The following ANKLE2 variants were observed in gnomAD, a reference collection of about 807,000 sequenced individuals.
ANKLE2 encodes ankyrin repeat and LEM domain containing 2.
ANKLE2 carries 55 observed loss-of-function variants against 84.2 expected under a neutral mutation model. The observed-to-expected ratio is 0.65, with a 90% CI of 0.53 to 0.82. The LOEUF is 0.82. ANKLE2 is among the 40% of genes least tolerant of loss of function. ANKLE2 has a pLI of 0.00. For synonymous variants in ANKLE2, 551 were observed against 486.1 expected, an observed-to-expected ratio of 1.13 and a Z score of -1.76; for missense variants, 1,238 against 1,201.9, an observed-to-expected ratio of 1.03 and a Z score of -0.44.
chr12:132,750,675 G>GT lies in ANKLE2; in HGVS notation c.814dup (p.Thr272AsnfsTer6). 1 of 1,614,238 alleles carries GT rather than the reference G, an allele frequency of 6.2e-7. No homozygotes were observed. The highest frequency in any genetic ancestry group is 8.5e-7 in the Non-Finnish European group (1 of 1,180,048). ...CCTGTCATTGCTAAAGAGTGGAGCTGTTTTCACAGGAGACAGTGGTAAGGA... is the reference window on the plus strand; with the variant it reads ...CCTGTCATTGCTAAAGAGTGGAGCTGTTTTTCACAGGAGACAGTGGTAAGGA... On this transcript the variant is annotated frameshift_variant, in exon 3 of 13. Coordinates refer to ENST00000357997, the MANE Select transcript of ANKLE2 (RefSeq NM_015114.3). LOFTEE classifies it high-confidence loss of function.
At chr12:132,729,119 G>A (rs754193657) in intron 11 of ANKLE2, among the ~76,000 whole-genome samples, 13 of 151,710 alleles carry the variant, frequency 8.6e-5, no homozygotes, top group East Asian at 4.0e-4. Flanking sequence ...TTGGGAGGCC[G>A]AGGCAGGTGG....
chr12:132,741,774 G>C (rs927953759), intron 6 of ANKLE2: 1 of 551,582 alleles, frequency 1.8e-6, no homozygotes, highest in Non-Finnish European at 3.4e-6. Flanking sequence ...CCAGCGCATC[G>C]AGTAAAAGCA....
chr12:132,741,768 C>A (rs139769525), intron 6 of ANKLE2: 3 of 561,590 alleles, frequency 5.3e-6, no homozygotes, highest in Non-Finnish European at 1.0e-5. Flanking sequence ...AAGGTACCAG[C>A]GCATCGAGTA....
chr12:132,740,189 C>A (rs2044092617), intron 7 of ANKLE2, among the ~76,000 whole-genome samples: 1 of 152,226 alleles, frequency 6.6e-6, no homozygotes, highest in Admixed American at 6.5e-5. Flanking sequence ...TGCAGCGACG[C>A]CTCAACGGCC....
At chr12:132,730,485 A>C in intron 10 of ANKLE2, 11 of 526,562 alleles carry the variant, frequency 2.1e-5, no homozygotes, top group East Asian at 2.9e-5. Flanking sequence ...AAAACCACCC[A>C]CACGACTCCC....
intron 5 of ANKLE2, chr12:132,745,742 G>A (rs1593166242): frequency 1.1e-5 from 2 of 186,180 alleles, no homozygotes; most frequent in East Asian, 1.3e-4. Flanking sequence ...GTCGGATCCC[G>A]CACCTCTCTA....
In ANKLE2 at chr12:132,726,198, G is replaced by C. The variant is rs1275580638; in HGVS notation, c.*1044C>G. 6.5e-6 allele frequency: 1 copy of C among 153,506 alleles called. No homozygotes were observed. Among genetic ancestry groups the C allele is most frequent in the Non-Finnish European group, 1.5e-5 (1 of 68,246 alleles). The allele number at this position is 153,506 out of a possible 1,614,324, so 9.5% of individuals were successfully genotyped here. ...TGCCCGTAACACCCAGGAAGAAACC[G>C]ACCTCCAGGCAGCACCTCCTGAACA... On this transcript the variant is annotated 3_prime_UTR_variant, in exon 13 of 13. Transcript: ENST00000357997.
intron 2 of ANKLE2, among the ~76,000 whole-genome samples, chr12:132,753,835 G>A (rs1466206341): frequency 6.6e-6 from 1 of 152,222 alleles, no homozygotes; most frequent in Non-Finnish European, 1.5e-5. Flanking sequence ...AGCGGCTGAG[G>A]TGGGAGGATC....
rs1566041403 is a variant in ANKLE2, at chr12:132,758,921, A to AGTGTG, written c.181+2696_181+2697insCACAC. 2.4e-4 allele frequency: 35 copies of AGTGTG among 145,720 alleles called. 4 individuals carry two copies. Among genetic ancestry groups the AGTGTG allele is most frequent in the African/African-American group, 8.0e-4 (32 of 39,826 alleles). 9.0% of individuals were successfully genotyped at this position (145,720 alleles called of 1,614,324 possible). A position where few individuals can be genotyped will look rare whatever the true frequency, so the allele number is the denominator to read the frequency against. ...TCGCTGCGGAGTGGCACCCCGGGGCACCCACGTGGCAGAGTGGATCACGCA... is the reference window on the plus strand; with the variant it reads ...TCGCTGCGGAGTGGCACCCCGGGGCAGTGTGCCCACGTGGCAGAGTGGATCACGCA... On this transcript the variant is annotated intron_variant, in intron 1 of 12. Coordinates refer to ENST00000357997, the MANE Select transcript of ANKLE2 (RefSeq NM_015114.3).
At chr12:132,740,541 C>A (rs879487063) in intron 7 of ANKLE2, among the ~76,000 whole-genome samples, 24 of 152,000 alleles carry the variant, frequency 1.6e-4, no homozygotes, top group Non-Finnish European at 2.5e-4. Context: ...GGAATGGAAT[C>A]CGAGAGAGAG....
chr12:132,760,645 T>C (rs61951313), intron 1 of ANKLE2: 8,498 of 152,360 alleles, frequency 0.056, 375 homozygotes, highest in Admixed American at 0.13. Context: ...GGTGAAGAGA[T>C]GCGTGACGTA....
rs1233428458 is a variant in ANKLE2 at position 132,735,401 on chromosome 12, A to G, written c.1700+5T>C. ...CCACGCTGCTGCGGCTCAGCCTTTC[A>G]GTACCTTCCCACTCTCTCAAAGCCT... On this transcript the variant is annotated splice_donor_5th_base_variant and intron_variant, in intron 9 of 12. Coordinates refer to ENST00000357997, the MANE Select transcript of ANKLE2 (RefSeq NM_015114.3). The G allele has an allele frequency of 6.2e-7, 1 of 1,613,326 alleles. No individual in the cohort carries two copies. The highest frequency in any genetic ancestry group is 8.5e-7 in the Non-Finnish European group (1 of 1,179,544).
chr12:132,731,508 TCA>T (rs975618087), intron 10 of ANKLE2: 1 of 150,628 alleles, frequency 6.6e-6, no homozygotes. Flanking sequence ...ACACACAAAC[TCA>T]CACAGACACA....
chr12:132,728,351 C>A (rs1220874559), intron 11 of ANKLE2, among the ~76,000 whole-genome samples, 188 bp from the exon 12 acceptor site: 1 of 152,128 alleles, frequency 6.6e-6, no homozygotes, highest in Non-Finnish European at 1.5e-5. Flanking sequence ...GCCTCAGCCT[C>A]CCGAGTAGCT....
chr12:132,734,213 C>A (rs1316220109), intron 10 of ANKLE2, 172 bp downstream of exon 10: 24 of 730,122 alleles, frequency 3.3e-5, no homozygotes, highest in Non-Finnish European at 4.9e-5. Context: ...CCACTGCACT[C>A]CAGCTTGGGT....
intron 3 of ANKLE2, 136 bp from the exon 4 acceptor site, chr12:132,748,467 C>T (rs574569904): frequency 4.9e-5 from 46 of 936,184 alleles, no homozygotes; most frequent in Middle Eastern, 2.5e-4. Flanking sequence ...TGAGAAAAGA[C>T]GAGAAGGGCC....
intron 3 of ANKLE2, among the ~76,000 whole-genome samples, chr12:132,749,360 A>G (rs571905660): frequency 6.6e-6 from 1 of 151,048 alleles, no homozygotes; most frequent in Non-Finnish European, 1.5e-5. Flanking sequence ...TTCACCATGT[A>G]GGCCAGGCTG....
chr12:132,737,204 C>T (rs1010005107), intron 7 of ANKLE2, 139 bp from the exon 8 acceptor site: 20 of 801,408 alleles, frequency 2.5e-5, no homozygotes, highest in East Asian at 5.6e-5. Flanking sequence ...GGGTGGTTTC[C>T]GCCAGAGCTC....
intron 6 of ANKLE2, chr12:132,741,748 A>G: frequency 1.7e-6 from 1 of 596,342 alleles, no homozygotes; most frequent in South Asian, 1.5e-5. Context: ...ACTGTCTGCA[A>G]GGAGAGGAAA....
Sources: gnomAD v4.1 joint callset for allele counts (sites outside exome capture counted in the v4.1 genomes callset) on GRCh38, gnomAD v4.1.1 for gene constraint, MANE v1.5 for transcripts, NCBI Gene and HGNC (gene_info 2026-07-23, HGNC 2026-07-21) for gene names.